KIAA0513: variants seen among roughly 807,000 people sequenced by gnomAD.
KIAA0513 encodes KIAA0513.
In KIAA0513, 39 loss-of-function variants were observed where a neutral mutation model predicts 56.5. The ratio of observed to expected loss-of-function variants is 0.69; its 90% confidence interval spans 0.53 to 0.90. The LOEUF is 0.90. Among genes scored for constraint, KIAA0513 ranks in the 40% least tolerant of loss-of-function variants. The pLI is 0.00. For synonymous variants in KIAA0513, 268 were observed against 215.6 expected (o/e 1.24, Z -2.13); for missense variants, 591 against 535.2 (o/e 1.10, Z -1.03).
chr16:85,042,337 C>T (rs1182785500), intron 1 of KIAA0513, among the ~76,000 whole-genome samples: 2 of 152,186 alleles, frequency 1.3e-5, no homozygotes, highest in African/African-American at 4.8e-5. Flanking sequence ...TAGGTTGAGT[C>T]TTTTCCCATG....
intron 1 of KIAA0513, among the ~76,000 whole-genome samples, chr16:85,040,547 A>G (rs959205304): frequency 1.1e-4 from 17 of 152,096 alleles, no homozygotes; most frequent in African/African-American, 3.4e-4. Flanking sequence ...AGAAACTCCA[A>G]TGTCCATCAT....
Position 85,081,412 on chromosome 16 carries a change from C to G in KIAA0513, c.980+20C>G. 1 of 1,551,094 alleles carries G rather than the reference C, an allele frequency of 6.4e-7. No individual in the cohort carries two copies. Among genetic ancestry groups the G allele is most frequent in the Non-Finnish European group, 8.7e-7 (1 of 1,145,476 alleles). ...TACCAGGTAGGAGCAAAGTGTGGCC[C>G]CATTTGGCCTCAGGAAAAAGGACCA... On this transcript the variant is annotated intron_variant, in intron 9 of 12. Coordinates refer to ENST00000683363, the MANE Select transcript of KIAA0513 (RefSeq NM_001388359.1). This position sits in a 1 kb window ranked among gnomAD's most constrained non-coding sequence, Gnocchi z 4.4.
At position 85,093,262 on chromosome 16, in the gene KIAA0513, T is replaced by C. The variant is rs1306110178; in HGVS notation, c.*4937T>C. 2.1e-5 allele frequency: 1 copy of C among 46,786 alleles called. No individual in the cohort carries two copies. The highest frequency in any genetic ancestry group is 4.3e-5 in the Non-Finnish European group (1 of 23,124). The allele number at this position is 46,786 out of a possible 1,614,324, so 2.9% of individuals were successfully genotyped here. A position where few individuals can be genotyped will look rare whatever the true frequency, so the allele number is the denominator to read the frequency against. On this transcript the variant is annotated 3_prime_UTR_variant, in exon 13 of 13. Transcript: ENST00000683363. ...ACAGCGCTCCCACAGGGGCTGGGGG[T>C]GGGGGTGGGGTTTCTTAGTTACTGT...
In KIAA0513 at chr16:85,092,828, C is replaced by CCACGCA. The variant is rs1368499127; in HGVS notation, c.*4505_*4510dup. On this transcript the variant is annotated 3_prime_UTR_variant, in exon 13 of 13. Transcript: ENST00000683363. ...GCAGGGCTTCCCGGAGCCACACAGG[C>CCACGCA]CACGCACCCCAGGAACCCTTGCTGC... 2.6e-5 allele frequency: 4 copies of CCACGCA among 152,426 alleles called. No individual in the cohort carries two copies. The highest frequency in any genetic ancestry group is 1.3e-4 in the Admixed American group (2 of 15,278). 9.4% of individuals were successfully genotyped at this position (152,426 alleles called of 1,614,324 possible).
At chr16:85,039,178 TCAC>T in intron 1 of KIAA0513, among the ~76,000 whole-genome samples, 1 of 152,296 alleles carries the variant, frequency 6.6e-6, no homozygotes. Context: ...GCTATAGAGG[TCAC>T]GGAATAGTCA....
intron 1 of KIAA0513, among the ~76,000 whole-genome samples, chr16:85,057,536 C>G (rs912980282): frequency 2.0e-5 from 3 of 152,180 alleles, no homozygotes; most frequent in Non-Finnish European, 4.4e-5. Flanking sequence ...GAGTTTTCAA[C>G]CAAAACACAT....
chr16:85,028,917 A>T (rs2072925144), intron 1 of KIAA0513, among the ~76,000 whole-genome samples: 1 of 152,104 alleles, frequency 6.6e-6, no homozygotes, highest in Non-Finnish European at 1.5e-5. Flanking sequence ...CTCGATGTTG[A>T]TGTTTCGGAT....
At chr16:85,083,809 T>G (rs1339757768) in intron 10 of KIAA0513, among the ~76,000 whole-genome samples, 2 of 152,138 alleles carry the variant, frequency 1.3e-5, no homozygotes, top group African/African-American at 4.8e-5. Flanking sequence ...GGGGGCGAGG[T>G]TGGCTCCAAG....
At chr16:85,057,769 GTT>G (rs59350081) in intron 1 of KIAA0513, among the ~76,000 whole-genome samples, 3 of 141,852 alleles carry the variant, frequency 2.1e-5, no homozygotes, top group African/African-American at 7.8e-5. Context: ...TTTTGTTTTT[GTT>G]TTTTTTTTTT....
At chr16:85,065,680 G>A (rs1469373780) in intron 1 of KIAA0513, among the ~76,000 whole-genome samples, 3 of 152,204 alleles carry the variant, frequency 2.0e-5, no homozygotes, top group Non-Finnish European at 4.4e-5. Context: ...CCACCTCACT[G>A]GCAGGCATTG....
intron 1 of KIAA0513, among the ~76,000 whole-genome samples, chr16:85,045,236 C>T (rs180905931): frequency 1.3e-5 from 2 of 152,294 alleles, no homozygotes; most frequent in East Asian, 1.9e-4. Flanking sequence ...AGCAGGTGAA[C>T]GGGAGGCTGG....
intron 1 of KIAA0513, among the ~76,000 whole-genome samples, chr16:85,051,628 C>G (rs1005915113): frequency 2.0e-5 from 3 of 152,182 alleles, no homozygotes; most frequent in Non-Finnish European, 4.4e-5. Context: ...CTTCCTCTCA[C>G]ACAGCGACTC....
chr16:85,078,028 G>A (rs146674015), intron 6 of KIAA0513, among the ~76,000 whole-genome samples: 75 of 152,272 alleles, frequency 4.9e-4, no homozygotes, highest in African/African-American at 1.7e-3. Context: ...ACAGACACTC[G>A]AGGAATGCTT....
Position 85,071,793 on chromosome 16 carries a change from G to T in KIAA0513, c.340G>T (p.Asp114Tyr), listed in dbSNP as rs1050070850. 2.5e-6 allele frequency: 4 copies of T among 1,590,868 alleles called. No individual in the cohort carries two copies. In the African/African-American group the frequency reaches 4.2e-5, roughly 17 times the overall value. Reference protein sequence around the residue: ...EKIFSGGEDLDQEEKAKFGEY... With the variant: ...EKIFSGGEDLYQEEKAKFGEY... ...TTTTTTTTTTTTTAGGGAGGACTTGGATCAGGAGGAGAAAGCCAAGTTTGG... is the reference window on the plus strand; with the variant it reads ...TTTTTTTTTTTTTAGGGAGGACTTGTATCAGGAGGAGAAAGCCAAGTTTGG... Residue 114 changes from aspartate (D) to tyrosine (Y), a missense_variant, in exon 3 of 13, where the codon GAT becomes TAT. Asp to Tyr is a radical substitution (Grantham distance 160). Coordinates refer to ENST00000683363, the MANE Select transcript of KIAA0513 (RefSeq NM_001388359.1).
chr16:85,071,138 T>C (rs1044352462), intron 2 of KIAA0513, among the ~76,000 whole-genome samples: 10 of 150,724 alleles, frequency 6.6e-5, no homozygotes, highest in African/African-American at 2.4e-4. Context: ...TGGCCTGAAA[T>C]CATGTGAGCA....
intron 2 of KIAA0513, among the ~76,000 whole-genome samples, chr16:85,071,409 G>C (rs955086831): frequency 2.6e-5 from 4 of 152,190 alleles, no homozygotes; most frequent in Non-Finnish European, 4.4e-5. Context: ...AAAACTAGTG[G>C]GAAGTCAGAG....
At chr16:85,036,639 C>G (rs1212282949) in intron 1 of KIAA0513, among the ~76,000 whole-genome samples, 1 of 152,122 alleles carries the variant, frequency 6.6e-6, no homozygotes, top group African/African-American at 2.4e-5. Context: ...AGTAGCCCTA[C>G]TGGGTGTGCT....
At chr16:85,028,785 G>C (rs1197818043) in intron 1 of KIAA0513, among the ~76,000 whole-genome samples, 1 of 152,200 alleles carries the variant, frequency 6.6e-6, no homozygotes, top group East Asian at 1.9e-4. Context: ...AGATTGAGCA[G>C]GAACAGCCTC....
At chr16:85,073,426 A>C (rs16975194) in intron 4 of KIAA0513, among the ~76,000 whole-genome samples, 2,169 of 152,326 alleles carry the variant, frequency 0.014, 38 homozygotes, top group African/African-American at 0.049. Context: ...GCGAACACTG[A>C]TTAGGCACTG....
Sources: allele counts gnomAD v4.1 joint callset (sites outside exome capture counted in the v4.1 genomes callset), GRCh38; gene constraint gnomAD v4.1.1; non-coding constraint Gnocchi (gnomAD v3.1); transcripts MANE v1.5; gene names NCBI Gene and HGNC (gene_info 2026-07-23, HGNC 2026-07-21).